TIPIN: variants seen among roughly 807,000 people sequenced by gnomAD.
The protein encoded by TIPIN is TIMELESS interacting protein, also known as TIMELESS-interacting protein.
Under a neutral mutation model 35.6 loss-of-function variants are expected in TIPIN, and 29 were observed. The ratio of observed to expected loss-of-function variants is 0.82; its 90% CI spans 0.61 to 1.11. The LOEUF (loss-of-function observed/expected upper bound fraction) is 1.11, where lower values mean the gene tolerates loss of function less well. Ranked by LOEUF, TIPIN falls within the 50% of genes most tolerant of loss-of-function variation. The pLI, the probability that TIPIN is intolerant of heterozygous loss-of-function variation, is 0.00. For synonymous variants in TIPIN, 102 were observed against 121.5 expected (o/e 0.84, Z 1.06); for missense variants, 296 against 345.4 (o/e 0.86, Z 1.13).
chr15:66,379,519 C>T, intron 1 of TIPIN: 1 of 1,610,142 alleles, frequency 6.2e-7, no homozygotes, highest in Non-Finnish European at 8.5e-7. Flanking sequence ...ACTGAACAAG[C>T]AACACCTGGT....
chr15:66,337,766 C>CAAAAAA (rs199560907), intron 7 of TIPIN, among the ~76,000 whole-genome samples: 7 of 67,822 alleles, frequency 1.0e-4, no homozygotes, highest in Non-Finnish European at 2.1e-4. Flanking sequence ...AACAAAACAT[C>CAAAAAA]AAAAAAAATA....
upstream of TIPIN, among the ~76,000 whole-genome samples, chr15:66,358,295 T>A (rs1461651488): frequency 6.6e-6 from 1 of 152,156 alleles, no homozygotes; most frequent in Non-Finnish European, 1.5e-5. Context: ...AACATACAAA[T>A]GTATTAACTA....
Position 66,349,042 on chromosome 15 carries a change from A to G in TIPIN, c.475+18T>C, listed in dbSNP as rs961749938. Reference sequence around the variant, plus strand: ...TAAAAGCAAAATTGTTATAAAGTAGATAAACCTATATTCTTACCATTATTG... The same window carrying G: ...TAAAAGCAAAATTGTTATAAAGTAGGTAAACCTATATTCTTACCATTATTG... On this transcript the variant is annotated intron_variant, in intron 6 of 7. Transcript: ENST00000261881. The G allele has an allele frequency of 6.3e-7, 1 of 1,595,096 alleles. No homozygotes were observed.
At chr15:66,358,668 C>A (rs1268237573), upstream of TIPIN, among the ~76,000 whole-genome samples, 1 of 152,172 alleles carries the variant, frequency 6.6e-6, no homozygotes, top group Non-Finnish European at 1.5e-5. Context: ...CTCCCCTCCT[C>A]AGCCTCCCAA....
intron 3 of TIPIN, 75 bp downstream of exon 3, chr15:66,352,054 G>C (rs2093171755): frequency 1.6e-6 from 2 of 1,283,708 alleles, no homozygotes; most frequent in African/African-American, 3.1e-5. Flanking sequence ...CCAACCAAAA[G>C]TTTATAACAT....
At chr15:66,370,786 T>G (rs1287045548) in intron 1 of TIPIN, among the ~76,000 whole-genome samples, 1 of 152,072 alleles carries the variant, frequency 6.6e-6, no homozygotes, top group Non-Finnish European at 1.5e-5. Context: ...CTTTTCATAA[T>G]AAAAGAATAA....
upstream of TIPIN, among the ~76,000 whole-genome samples, chr15:66,358,219 G>C (rs1304851689): frequency 6.6e-6 from 1 of 152,074 alleles, no homozygotes; most frequent in Non-Finnish European, 1.5e-5. Context: ...TATATAACTA[G>C]AACCTATGCA....
intron 6 of TIPIN, among the ~76,000 whole-genome samples, chr15:66,344,205 C>T (rs1304041491): frequency 1.3e-5 from 2 of 152,004 alleles, no homozygotes; most frequent in Admixed American, 1.3e-4. Flanking sequence ...CTCAAAGGAT[C>T]CTCCTGCCTC....
At chr15:66,351,262 T>C (rs1157241468) in intron 4 of TIPIN, among the ~76,000 whole-genome samples, 19 of 152,186 alleles carry the variant, frequency 1.2e-4, no homozygotes, top group Admixed American at 1.2e-3. Context: ...TCCTGTAAAT[T>C]ATAAAATAAA....
chr15:66,379,013 G>A (rs907410736), intron 1 of TIPIN, among the ~76,000 whole-genome samples: 1 of 152,058 alleles, frequency 6.6e-6, no homozygotes, highest in African/African-American at 2.4e-5. Flanking sequence ...TCTCGTCTTG[G>A]TCTCCCAAAG....
At chr15:66,373,662 C>T (rs1034420849) in intron 1 of TIPIN, among the ~76,000 whole-genome samples, 1 of 152,016 alleles carries the variant, frequency 6.6e-6, no homozygotes, top group Non-Finnish European at 1.5e-5. Flanking sequence ...ACATCATTAT[C>T]AACATTTGAT....
intron 1 of TIPIN, among the ~76,000 whole-genome samples, chr15:66,368,272 C>T (rs1344531236): frequency 2.0e-5 from 3 of 151,618 alleles, no homozygotes; most frequent in Non-Finnish European, 2.9e-5. Context: ...ATAATCCCAG[C>T]ACTTTGGGAG....
chr15:66,367,836 T>G (rs1286099541), intron 1 of TIPIN, among the ~76,000 whole-genome samples: 9 of 147,840 alleles, frequency 6.1e-5, no homozygotes, highest in East Asian at 2.0e-4. Context: ...AATCTTTGTT[T>G]TTGTTTTTTT....
At chr15:66,373,180 T>C (rs1405609109) in intron 1 of TIPIN, among the ~76,000 whole-genome samples, 1 of 152,100 alleles carries the variant, frequency 6.6e-6, no homozygotes, top group Non-Finnish European at 1.5e-5. Context: ...ATGCAATACA[T>C]GACTGTATAT....
rs2093281061 is a variant in TIPIN at position 66,372,508 on chromosome 15, T to C, written c.-9+14099A>G. On this transcript the variant is annotated intron_variant, in intron 1 of 7. Coordinates refer to the TIPIN transcript ENST00000562124. ...ATAACTATTACAAATAATGCTGCCA[T>C]AAACTTTCTTGTAAATGATTTTTGG... Among the ~76,000 whole-genome samples the C allele has an allele frequency of 2.0e-5, 3 of 152,222 alleles. No individual in the cohort carries two copies. The South Asian group carries it at 6.2e-4, about 31-fold the overall frequency.
chr15:66,365,966 T>G (rs1209899944), intron 1 of TIPIN, among the ~76,000 whole-genome samples: 1 of 152,124 alleles, frequency 6.6e-6, no homozygotes, highest in Non-Finnish European at 1.5e-5. Context: ...GGGTCTAAAT[T>G]AAGACTATGT....
intron 3 of TIPIN, 107 bp from the exon 4 acceptor site, chr15:66,351,707 G>C: frequency 1.1e-6 from 1 of 893,644 alleles, no homozygotes; most frequent in Non-Finnish European, 1.7e-6. Flanking sequence ...GCGCGATCTC[G>C]GGTCACTGCA....
chr15:66,348,982 G>T, intron 6 of TIPIN, 78 bp downstream of exon 6: 1 of 1,151,554 alleles, frequency 8.7e-7, no homozygotes. Context: ...TGGGATTACA[G>T]GGTTGAGCCA....
intron 1 of TIPIN, among the ~76,000 whole-genome samples, chr15:66,361,887 G>A (rs1396952194): frequency 6.6e-6 from 1 of 151,944 alleles, no homozygotes; most frequent in African/African-American, 2.4e-5. Context: ...ATGCCTGTAG[G>A]AGAATCACTC....
Sources: gnomAD v4.1 joint callset for allele counts (sites outside exome capture counted in the v4.1 genomes callset) on GRCh38, gnomAD v4.1.1 for gene constraint, MANE v1.5 for transcripts, NCBI Gene and HGNC (gene_info 2026-07-23, HGNC 2026-07-21) for gene names.